Variants in SLC44A5 observed in about 807,000 individuals in gnomAD.
SLC44A5 encodes the protein choline transporter-like protein 5.
A neutral mutation model predicts 101.8 loss-of-function variants in SLC44A5; 57 were observed. The ratio of observed to expected loss-of-function variants is 0.56; its 90% CI spans 0.45 to 0.70. The LOEUF is 0.70. Ranked by LOEUF, SLC44A5 falls within the 30% of genes least tolerant of loss-of-function variation. The probability of loss-of-function intolerance (pLI) is 0.00; values close to 1 mark genes in which losing one functional copy is unlikely to be tolerated. For missense variants in SLC44A5, 737 were observed against 853.1 expected, an observed-to-expected ratio of 0.86 and a Z score of 1.70; for synonymous variants, 281 against 290.9, an observed-to-expected ratio of 0.97 and a Z score of 0.35.
At chr1:75,450,501 A>C (rs1439533011) in intron 2 of SLC44A5, among the ~76,000 whole-genome samples, 1 of 152,234 alleles carries the variant, frequency 6.6e-6, no homozygotes, top group East Asian at 1.9e-4. Flanking sequence ...AAGGGCTTAC[A>C]TAGCAAGAAC....
the SLC44A5 span, among the ~76,000 whole-genome samples, chr1:75,663,579 T>G: frequency 6.6e-6 from 1 of 152,106 alleles, no homozygotes; most frequent in Non-Finnish European, 1.5e-5. Context: ...ATGGATAAGT[T>G]CCTAGACATA....
At chr1:75,568,644 A>G (rs1481653532) in intron 1 of SLC44A5, among the ~76,000 whole-genome samples, 1 of 151,984 alleles carries the variant, frequency 6.6e-6, no homozygotes, top group African/African-American at 2.4e-5. Context: ...CTTCTTCCAT[A>G]TTTCTCAAAG....
the SLC44A5 span, among the ~76,000 whole-genome samples, chr1:75,643,936 A>G: frequency 6.6e-6 from 1 of 152,250 alleles, no homozygotes; most frequent in South Asian, 2.1e-4. Context: ...TAGAAAAGAT[A>G]TAGAAGCGTG....
At chr1:75,646,630 C>T in the SLC44A5 span, among the ~76,000 whole-genome samples, 4 of 152,140 alleles carry the variant, frequency 2.6e-5, no homozygotes, top group African/African-American at 9.7e-5. Flanking sequence ...TCCCTGCATG[C>T]TCTTCTCATG....
At chr1:75,694,918 T>A in the SLC44A5 span, among the ~76,000 whole-genome samples, 10 of 152,312 alleles carry the variant, frequency 6.6e-5, no homozygotes, top group African/African-American at 2.4e-4. Flanking sequence ...ACGCTCAGCA[T>A]TTGACATATT....
intron 3 of SLC44A5, among the ~76,000 whole-genome samples, chr1:75,358,620 A>C (rs1659255368): frequency 1.3e-5 from 2 of 152,162 alleles, no homozygotes; most frequent in African/African-American, 4.8e-5. Flanking sequence ...AATTTCAAAT[A>C]TATAGTATAG....
intron 2 of SLC44A5, among the ~76,000 whole-genome samples, chr1:75,493,711 T>C (rs1326596962): frequency 1.3e-5 from 2 of 152,124 alleles, no homozygotes; most frequent in Non-Finnish European, 2.9e-5. Context: ...TTACAGAATA[T>C]AAAACAAACC....
intron 14 of SLC44A5, among the ~76,000 whole-genome samples, chr1:75,221,670 A>G (rs1647084184): frequency 6.6e-6 from 1 of 152,192 alleles, no homozygotes; most frequent in South Asian, 2.1e-4. Context: ...TCAACCATTA[A>G]TATGAACATA....
At chr1:75,462,383 A>G (rs1666553542) in intron 2 of SLC44A5, among the ~76,000 whole-genome samples, 1 of 152,200 alleles carries the variant, frequency 6.6e-6, no homozygotes, top group Non-Finnish European at 1.5e-5. Context: ...TACGTCTTTT[A>G]GAATACCTGG....
At chr1:75,279,763 T>G (rs1557612211) in intron 5 of SLC44A5, among the ~76,000 whole-genome samples, 1 of 75,542 alleles carries the variant, frequency 1.3e-5, no homozygotes, top group South Asian at 5.1e-4. Context: ...CATGTATGTA[T>G]GTATTTTTAT....
intron 2 of SLC44A5, among the ~76,000 whole-genome samples, chr1:75,435,988 G>C (rs1315268599): frequency 6.6e-6 from 1 of 151,914 alleles, no homozygotes; most frequent in Non-Finnish European, 1.5e-5. Flanking sequence ...GCAAATAAGA[G>C]TAGCCATTAA....
At chr1:75,481,792 T>G (rs1327525522) in intron 2 of SLC44A5, among the ~76,000 whole-genome samples, 1 of 152,176 alleles carries the variant, frequency 6.6e-6, no homozygotes, top group East Asian at 1.9e-4. Context: ...TAGGAACACT[T>G]TTACACTATT....
chr1:75,373,569 G>C (rs1660368048), intron 3 of SLC44A5, among the ~76,000 whole-genome samples: 1 of 152,190 alleles, frequency 6.6e-6, no homozygotes, highest in Non-Finnish European at 1.5e-5. Context: ...ATCCCAGAAG[G>C]CTCTCTATCT....
At chr1:75,453,512 G>A (rs1254998293) in intron 2 of SLC44A5, among the ~76,000 whole-genome samples, 2 of 151,784 alleles carry the variant, frequency 1.3e-5, no homozygotes, top group African/African-American at 2.4e-5. Context: ...CAAACCTAAC[G>A]GAAGAAAAGA....
intron 2 of SLC44A5, among the ~76,000 whole-genome samples, chr1:75,426,560 T>TA (rs1664319132): frequency 6.6e-6 from 1 of 152,250 alleles, no homozygotes; most frequent in Non-Finnish European, 1.5e-5. Context: ...TCTAACCAGT[T>TA]ACAGTGAACA....
the SLC44A5 span, among the ~76,000 whole-genome samples, chr1:75,647,739 T>G: frequency 6.6e-6 from 1 of 152,186 alleles, no homozygotes; most frequent in Non-Finnish European, 1.5e-5. Flanking sequence ...CAGACTTGTG[T>G]GAGGCCTATA....
At chr1:75,346,398 C>T (rs2101053247) in intron 3 of SLC44A5, among the ~76,000 whole-genome samples, 1 of 152,158 alleles carries the variant, frequency 6.6e-6, no homozygotes, top group Non-Finnish European at 1.5e-5. Flanking sequence ...TCAGTTATAA[C>T]CTTAGAAGTA....
At chr1:75,491,154 G>A (rs1668406162) in intron 2 of SLC44A5, among the ~76,000 whole-genome samples, 1 of 152,130 alleles carries the variant, frequency 6.6e-6, no homozygotes, top group South Asian at 2.1e-4. Flanking sequence ...AATGAGCTAT[G>A]AGGGGAAGTC....
the SLC44A5 span, among the ~76,000 whole-genome samples, chr1:75,661,777 A>G: frequency 1.3e-5 from 2 of 152,202 alleles, no homozygotes; most frequent in African/African-American, 4.8e-5. Flanking sequence ...AGGAAAATGC[A>G]AATCAAAATC....
Sources: gnomAD v4.1 joint callset for allele counts (sites outside exome capture counted in the v4.1 genomes callset) on GRCh38, gnomAD v4.1.1 for gene constraint, MANE v1.5 for transcripts, NCBI Gene and HGNC (gene_info 2026-07-23, HGNC 2026-07-21) for gene names.